The following UTRN variants were observed in gnomAD, a reference collection of about 807,000 sequenced individuals.
UTRN encodes the protein utrophin, also known as dystrophin-related protein 1.
Under a neutral mutation model 463.9 loss-of-function variants are expected in UTRN, and 283 were observed. That is an observed-to-expected ratio of 0.61 (90% CI 0.55 to 0.67). The LOEUF (loss-of-function observed/expected upper bound fraction) is 0.67, where lower values mean the gene tolerates loss of function less well. Ranked by LOEUF, UTRN falls within the 30% of genes least tolerant of loss-of-function variation. UTRN has a pLI of 0.00. For missense variants in UTRN, 3,922 were observed against 4,084.3 expected, an observed-to-expected ratio of 0.96 and a Z score of 1.08; for synonymous variants, 1,442 against 1,431.5, an observed-to-expected ratio of 1.01 and a Z score of -0.17.
chr6:144,428,720 T>C lies in UTRN; in HGVS notation c.579-58T>C. On this transcript the variant is annotated intron_variant, in intron 7 of 74. Transcript: ENST00000367545. ...ACTAAAATGTATTAGATTATAACAATGCCTACTTTGTTTCCACATATTTCA... is the reference window on the plus strand; with the variant it reads ...ACTAAAATGTATTAGATTATAACAACGCCTACTTTGTTTCCACATATTTCA... 3 of 945,112 alleles carry C rather than the reference T, an allele frequency of 3.2e-6. No individual in the cohort carries two copies. In the South Asian group the frequency reaches 5.3e-5, roughly 17 times the overall value. The allele number at this position is 945,112 out of a possible 1,614,324, so 58.5% of individuals were successfully genotyped here.
intron 51 of UTRN, among the ~76,000 whole-genome samples, chr6:144,671,428 G>T (rs1781015362): frequency 6.6e-6 from 1 of 151,732 alleles, no homozygotes; most frequent in Admixed American, 6.6e-5. Flanking sequence ...TTCTTGATTT[G>T]TTCTCGGCTT....
intron 54 of UTRN, among the ~76,000 whole-genome samples, chr6:144,745,665 C>T (rs752163108): frequency 3.0e-4 from 45 of 152,152 alleles, no homozygotes; most frequent in Admixed American, 7.2e-4. Flanking sequence ...TCAGAGGCAG[C>T]AGATGATGTT....
chr6:144,533,427 G>C (rs77252666), intron 43 of UTRN, among the ~76,000 whole-genome samples, 167 bp downstream of exon 43: 1 of 152,096 alleles, frequency 6.6e-6, no homozygotes, highest in African/African-American at 2.4e-5. Context: ...TTTTTAGGCT[G>C]TCCATAAAGT....
intron 34 of UTRN, among the ~76,000 whole-genome samples, chr6:144,501,087 G>A (rs1308482908): frequency 6.6e-6 from 1 of 152,146 alleles, no homozygotes; most frequent in Non-Finnish European, 1.5e-5. Context: ...ACAGCTGGGA[G>A]AAAGTTAAGA....
At chr6:144,619,085 T>G (rs1775078399) in intron 51 of UTRN, among the ~76,000 whole-genome samples, 1 of 152,142 alleles carries the variant, frequency 6.6e-6, no homozygotes, top group South Asian at 2.1e-4. Context: ...ATATAATTTC[T>G]TTGTGATCAT....
intron 12 of UTRN, among the ~76,000 whole-genome samples, chr6:144,439,527 C>T (rs374834213): frequency 4.6e-5 from 7 of 151,976 alleles, no homozygotes; most frequent in African/African-American, 1.5e-4. Context: ...GAGTCTTGCT[C>T]TGTCACCCAG....
At chr6:144,438,034 C>T (rs563250110) in intron 11 of UTRN, among the ~76,000 whole-genome samples, 10 of 152,240 alleles carry the variant, frequency 6.6e-5, no homozygotes, top group South Asian at 2.1e-4. Flanking sequence ...GGGAGGCCAA[C>T]GCGGATGGAT....
intron 53 of UTRN, among the ~76,000 whole-genome samples, chr6:144,705,843 C>G (rs1398195572): frequency 5.9e-5 from 9 of 151,416 alleles, no homozygotes; most frequent in Non-Finnish European, 1.2e-4. Context: ...TACCAATTGC[C>G]AAGAGTAATG....
intron 50 of UTRN, among the ~76,000 whole-genome samples, chr6:144,558,615 A>G (rs1799592186): frequency 6.6e-6 from 1 of 152,122 alleles, no homozygotes; most frequent in South Asian, 2.1e-4. Flanking sequence ...CATGTACCCT[A>G]AAACTTAAAG....
intron 53 of UTRN, among the ~76,000 whole-genome samples, chr6:144,727,963 A>G (rs915803981): frequency 3.3e-5 from 5 of 151,268 alleles, no homozygotes; most frequent in Non-Finnish European, 1.5e-5. Context: ...AGCTGGGTGC[A>G]GTGGCAGGCA....
intron 2 of UTRN, among the ~76,000 whole-genome samples, chr6:144,375,365 A>T: frequency 6.6e-6 from 1 of 152,244 alleles, no homozygotes; most frequent in East Asian, 1.9e-4. Context: ...GTTTATAAGC[A>T]TGTTAGAATA....
intron 41 of UTRN, among the ~76,000 whole-genome samples, chr6:144,528,095 G>A (rs797019721): frequency 8.7e-5 from 12 of 137,258 alleles, no homozygotes; most frequent in African/African-American, 2.8e-4. Context: ...GAGTTGCAAT[G>A]GCACAATCTC....
At chr6:144,514,269 A>G (rs910959223) in intron 36 of UTRN, among the ~76,000 whole-genome samples, 2 of 152,258 alleles carry the variant, frequency 1.3e-5, no homozygotes, top group Admixed American at 6.5e-5. Flanking sequence ...AGACCTATTC[A>G]CATAAGATGC....
intron 63 of UTRN, 24 bp from the exon 64 acceptor site, chr6:144,797,800 T>G: frequency 6.2e-7 from 1 of 1,609,012 alleles, no homozygotes; most frequent in Non-Finnish European, 8.5e-7. Context: ...TTCTTCACTT[T>G]TAATATATTT....
chr6:144,511,217 T>G, intron 35 of UTRN, 94 bp downstream of exon 35: 1 of 1,231,870 alleles, frequency 8.1e-7, no homozygotes, highest in Non-Finnish European at 1.1e-6. Context: ...CAAATCCTGT[T>G]TACTGTGTGT....
At chr6:144,340,800 A>G (rs761088803) in intron 2 of UTRN, among the ~76,000 whole-genome samples, 31 of 152,360 alleles carry the variant, frequency 2.0e-4, no homozygotes, top group Middle Eastern at 3.4e-3. Flanking sequence ...GGATCTGTGA[A>G]TAGAGTGGGT....
chr6:144,581,155 C>T (rs1801934662), intron 51 of UTRN, among the ~76,000 whole-genome samples: 1 of 152,168 alleles, frequency 6.6e-6, no homozygotes. Flanking sequence ...ATGCAGTTGT[C>T]ACTGTGAATC....
chr6:144,737,889 A>G (rs1429422417), intron 54 of UTRN, among the ~76,000 whole-genome samples: 1 of 152,094 alleles, frequency 6.6e-6, no homozygotes, highest in African/African-American at 2.4e-5. Flanking sequence ...CAGTACAACA[A>G]TCTCTCATCC....
At chr6:144,781,850 T>C in intron 60 of UTRN, 72 bp from the exon 61 acceptor site, 1 of 1,161,734 alleles carries the variant, frequency 8.6e-7, no homozygotes, top group Non-Finnish European at 1.2e-6. Context: ...TAGAAATGCC[T>C]TTGTTGTGAT....
Sources: allele counts gnomAD v4.1 joint callset (sites outside exome capture counted in the v4.1 genomes callset), GRCh38; gene constraint gnomAD v4.1.1; transcripts MANE v1.5; gene names NCBI Gene and HGNC (gene_info 2026-07-23, HGNC 2026-07-21).